Variants in AREL1 observed in about 807,000 individuals in gnomAD.
AREL1 encodes the protein apoptosis resistant E3 ubiquitin protein ligase 1.
A neutral mutation model predicts 99.0 loss-of-function variants in AREL1; 62 were observed. The observed-to-expected ratio is 0.63, with a 90% CI of 0.51 to 0.77. The LOEUF (loss-of-function observed/expected upper bound fraction) is 0.77. Among genes scored for constraint, AREL1 ranks in the 30% least tolerant of loss-of-function variants. AREL1 has a pLI of 0.00. For missense variants in AREL1, 879 were observed against 1,027.6 expected (o/e 0.86, Z 1.98); for synonymous variants, 380 against 376.5 (o/e 1.01, Z -0.11).
At chr14:74,669,602 A>G in intron 15 of AREL1, 47 bp downstream of exon 15, 1 of 1,597,762 alleles carries the variant, frequency 6.3e-7, no homozygotes, top group Non-Finnish European at 8.5e-7. Flanking sequence ...CCTGCTCTAC[A>G]GGAAACTGGA....
At chr14:74,672,102 T>A in intron 11 of AREL1, 1 of 395,258 alleles carries the variant, frequency 2.5e-6, no homozygotes, top group African/African-American at 2.1e-5. Flanking sequence ...CAGACCAAAG[T>A]GACAACAAAA....
chr14:74,681,270 G>A (rs1288075316), intron 5 of AREL1, among the ~76,000 whole-genome samples: 5 of 152,034 alleles, frequency 3.3e-5, no homozygotes, highest in African/African-American at 9.7e-5. Context: ...TTTGGATGAA[G>A]AATACTCAAC....
rs2089341773 is a variant in AREL1, at chr14:74,671,411, C to T, written c.1495G>A (p.Glu499Lys). The T allele has an allele frequency of 5.1e-6, 7 of 1,378,334 alleles. No individual in the cohort carries two copies. The highest frequency in any genetic ancestry group is 1.2e-5 in the South Asian group (1 of 83,180). 85.4% of individuals were successfully genotyped at this position (1,378,334 alleles called of 1,614,324 possible). The change falls in exon 12 of 20, where the codon GAA becomes AAA. Residue 499 changes from glutamate (E) to lysine (K), a missense_variant. By Grantham distance (56) the Glu-to-Lys change is moderately conservative. Transcript: ENST00000356357. ...KNFEVVFQDE[E>K]ALDWGGPRRE... ...AATATAAAATTTCAAAACTGACCTT[C>T]TTCATCCTGGAAAACAACCTCAAAG...
At chr14:74,702,148 T>C (rs1231000664) in intron 1 of AREL1, among the ~76,000 whole-genome samples, 1 of 152,210 alleles carries the variant, frequency 6.6e-6, no homozygotes. Context: ...TGGAGGACGG[T>C]GGCCCTCTTC....
At chr14:74,703,877 T>A (rs141228941) in intron 1 of AREL1, among the ~76,000 whole-genome samples, 16 of 152,338 alleles carry the variant, frequency 1.1e-4, no homozygotes, top group African/African-American at 3.8e-4. Context: ...CTGGGTCATA[T>A]GGTAAGTATC....
intron 2 of AREL1, among the ~76,000 whole-genome samples, chr14:74,687,049 C>CAGGAT (rs1695160864): frequency 6.6e-6 from 1 of 152,200 alleles, no homozygotes; most frequent in South Asian, 2.1e-4. Flanking sequence ...CTGCATCTTA[C>CAGGAT]AGGATGCACT....
intron 18 of AREL1, among the ~76,000 whole-genome samples, chr14:74,664,470 T>C (rs2089165049): frequency 1.4e-5 from 2 of 147,062 alleles, no homozygotes; most frequent in African/African-American, 2.5e-5. Context: ...TTTTTTTTTT[T>C]TGAGAAAGAG....
chr14:74,712,138 G>A (rs978653707), intron 1 of AREL1: 2 of 146,712 alleles, frequency 1.4e-5, no homozygotes, highest in East Asian at 4.1e-4. Context: ...GGAATCACGA[G>A]ACTCAAACAG....
intron 1 of AREL1, among the ~76,000 whole-genome samples, chr14:74,697,155 T>C (rs1305384845): frequency 6.1e-5 from 9 of 147,350 alleles, no homozygotes; most frequent in African/African-American, 2.0e-4. Context: ...CTGTCACACA[T>C]ACACACACAC....
intron 2 of AREL1, among the ~76,000 whole-genome samples, chr14:74,689,592 CTTTTTTTTTTTTT>C (rs1057362002): frequency 1.5e-3 from 151 of 98,546 alleles, no homozygotes; most frequent in African/African-American, 6.1e-3. Context: ...TAGCACTTTT[CTTTTTTTTTTTTT>C]TTTTTTTTTG....
intron 1 of AREL1, chr14:74,698,794 TG>T: frequency 8.2e-6 from 2 of 245,190 alleles, no homozygotes; most frequent in Admixed American, 3.9e-5. Flanking sequence ...GAGGCTGAGG[TG>T]GGAGGATGGC....
chr14:74,703,590 T>G (rs1043196227), intron 1 of AREL1, among the ~76,000 whole-genome samples: 1 of 152,188 alleles, frequency 6.6e-6, no homozygotes, highest in Non-Finnish European at 1.5e-5. Flanking sequence ...ACACGCAAAA[T>G]GTAGTCCTTC....
intron 17 of AREL1, 79 bp downstream of exon 17, chr14:74,667,240 G>A: frequency 6.4e-7 from 1 of 1,552,676 alleles, no homozygotes; most frequent in South Asian, 1.1e-5. Context: ...CATCTCATAA[G>A]AGAAGGTACA....
At chr14:74,665,458 A>C (rs2089194140) in intron 17 of AREL1, among the ~76,000 whole-genome samples, 1 of 152,238 alleles carries the variant, frequency 6.6e-6, no homozygotes, top group South Asian at 2.1e-4. Flanking sequence ...AACAAAGGAC[A>C]AAACACACAC....
chr14:74,667,262 C>G, intron 17 of AREL1, 57 bp downstream of exon 17: 1 of 1,604,450 alleles, frequency 6.2e-7, no homozygotes, highest in Non-Finnish European at 8.5e-7. Context: ...CAAGCTGGTT[C>G]CTGTAAGCTA....
At chr14:74,672,731 T>C (rs2089378077) in intron 11 of AREL1, 100 bp downstream of exon 11, 2 of 1,518,548 alleles carry the variant, frequency 1.3e-6, no homozygotes, top group African/African-American at 1.4e-5. Context: ...TGAGACCCTA[T>C]CTCCCAAACA....
intron 1 of AREL1, chr14:74,712,038 C>CAAAAAAAAAAAAAAAAAAAAAG (rs2090305664): frequency 3.5e-5 from 1 of 28,708 alleles, no homozygotes; most frequent in Non-Finnish European, 6.0e-5. Context: ...AGACAAAGTG[C>CAAAAAAAAAAAAAAAAAAAAAG]AAAAAAAAAA....
intron 4 of AREL1, among the ~76,000 whole-genome samples, chr14:74,683,829 T>A (rs2089689100): frequency 6.6e-6 from 1 of 152,228 alleles, no homozygotes; most frequent in Non-Finnish European, 1.5e-5. Flanking sequence ...GAACCACCAA[T>A]GCTGCCTCCT....
intron 18 of AREL1, 100 bp downstream of exon 18, chr14:74,664,736 G>T: frequency 1.1e-6 from 1 of 919,394 alleles, no homozygotes; most frequent in Non-Finnish European, 1.6e-6. Flanking sequence ...TGGGATTACA[G>T]GCATGAGCCA....
Sources: allele counts gnomAD v4.1 joint callset (sites outside exome capture counted in the v4.1 genomes callset), GRCh38; gene constraint gnomAD v4.1.1; transcripts MANE v1.5; gene names NCBI Gene and HGNC (gene_info 2026-07-23, HGNC 2026-07-21).